SI: variants seen among roughly 807,000 people sequenced by gnomAD.
SI encodes sucrase-isomaltase.
In SI, 235 loss-of-function variants were observed where a neutral mutation model predicts 253.3. The observed-to-expected ratio is 0.93, with a 90% CI of 0.83 to 1.03. The LOEUF (loss-of-function observed/expected upper bound fraction) is 1.03, where lower values mean the gene tolerates loss of function less well. Among genes scored for constraint, SI ranks in the 50% least tolerant of loss-of-function variants. SI has a pLI of 0.00. For synonymous variants in SI, 819 were observed against 712.0 expected, an observed-to-expected ratio of 1.15 and a Z score of -2.39; for missense variants, 2,442 against 2,211.1, an observed-to-expected ratio of 1.10 and a Z score of -2.09.
intron 25 of SI, among the ~76,000 whole-genome samples, chr3:165,026,162 C>A (rs1014259518): frequency 6.6e-6 from 1 of 150,882 alleles, no homozygotes; most frequent in Non-Finnish European, 1.5e-5. Flanking sequence ...CAAATGAACA[C>A]TGAAAGCCAG....
intron 45 of SI, among the ~76,000 whole-genome samples, chr3:164,986,830 A>T (rs1717462339): frequency 6.6e-6 from 1 of 152,186 alleles, no homozygotes; most frequent in Non-Finnish European, 1.5e-5. Flanking sequence ...CCAAGTGTCT[A>T]TTATGTGAAT....
At chr3:165,004,563 A>T (rs1718412335) in intron 37 of SI, among the ~76,000 whole-genome samples, 1 of 152,166 alleles carries the variant, frequency 6.6e-6, no homozygotes, top group African/African-American at 2.4e-5. Context: ...ACAGATGATT[A>T]GATAAAGTAA....
chr3:165,083,240 C>A (rs138419654), upstream of SI, among the ~76,000 whole-genome samples: 86 of 151,862 alleles, frequency 5.7e-4, no homozygotes, highest in African/African-American at 2.1e-3. Flanking sequence ...TGCTATTAAA[C>A]CCTTCATGTT....
chr3:164,994,186 A>G (rs1576872794), intron 41 of SI, 71 bp downstream of exon 41: 8 of 1,365,378 alleles, frequency 5.9e-6, no homozygotes, highest in Admixed American at 1.7e-5. Flanking sequence ...ATATTGCACT[A>G]TAAGAGATCA....
At position 165,074,455 on chromosome 3, in the gene SI, G is replaced by A. The variant is rs537110393; in HGVS notation, c.255+76C>T. ...GTCTAGATCTTTATTAAATAAGATC[G>A]ATCCAATATTCAGCAATTATCTTAA... On this transcript the variant is annotated intron_variant, in intron 3 of 47. Transcript: ENST00000264382. 8 of 876,518 alleles carry A rather than the reference G, an allele frequency of 9.1e-6. No homozygotes were observed. In the South Asian group the frequency reaches 9.8e-5, roughly 11 times the overall value. The allele number at this position is 876,518 out of a possible 1,614,324, so 54.3% of individuals were successfully genotyped here.
intron 3 of SI, chr3:165,074,307 G>T (rs1010014912): frequency 3.9e-6 from 1 of 253,744 alleles, no homozygotes; most frequent in Non-Finnish European, 7.4e-6. Context: ...TGTTAAATAT[G>T]GATGAATATT....
At chr3:165,012,226 G>T (rs1027805575) in intron 34 of SI, among the ~76,000 whole-genome samples, 1 of 152,118 alleles carries the variant, frequency 6.6e-6, no homozygotes, top group African/African-American at 2.4e-5. Flanking sequence ...AATGGTAGTT[G>T]CCCAGGACTG....
intron 37 of SI, 31 bp downstream of exon 37, chr3:165,006,785 G>A: frequency 2.5e-6 from 4 of 1,591,216 alleles, no homozygotes; most frequent in Non-Finnish European, 2.6e-6. Context: ...GAATAAAAGA[G>A]TCAGAGAGGA....
chr3:165,014,248 T>G (rs1258051732), intron 33 of SI, among the ~76,000 whole-genome samples: 1 of 150,770 alleles, frequency 6.6e-6, no homozygotes, highest in Non-Finnish European at 1.5e-5. Context: ...TTTTTTTTTG[T>G]TGTTGTTGTT....
chr3:164,980,103 A>G (rs1343331666), intron 47 of SI, among the ~76,000 whole-genome samples: 6 of 151,784 alleles, frequency 4.0e-5, no homozygotes, highest in Admixed American at 2.0e-4. Context: ...GAAAGTTTGG[A>G]TTCAGTCATC....
intron 25 of SI, among the ~76,000 whole-genome samples, chr3:165,025,207 TG>T (rs1464467439): frequency 6.6e-6 from 1 of 150,922 alleles, no homozygotes; most frequent in African/African-American, 2.4e-5. Flanking sequence ...AACACAGAAA[TG>T]AAAGTCTCAG....
In SI at chr3:165,009,370, G is replaced by A. The variant is rs1420275373; in HGVS notation, c.4088C>T (p.Pro1363Leu). Residue 1363 changes from proline (P) to leucine (L), a missense_variant, in exon 35 of 48, where the codon CCA (proline) becomes CTA (leucine). Pro to Leu is a moderately conservative substitution (Grantham distance 98). Coordinates refer to ENST00000264382, the MANE Select transcript of SI (RefSeq NM_001041.4). ...TGCTGTGGAAGTCCTGAAGAAATCT[G>A]GGAAAGCTACATGAGCTCTGGAAGC... Reference protein sequence around the residue: ...VNASRAHVAFPDFFRTSTAEW... With the variant: ...VNASRAHVAFLDFFRTSTAEW... The A allele has an allele frequency of 6.2e-7, 1 of 1,613,192 alleles. No homozygotes were observed. The highest frequency in any genetic ancestry group is 8.5e-7 in the Non-Finnish European group (1 of 1,179,446).
intron 23 of SI, 101 bp downstream of exon 23, chr3:165,033,294 T>C: frequency 1.0e-6 from 1 of 975,114 alleles, no homozygotes; most frequent in East Asian, 3.1e-5. Context: ...TTAAAATCTG[T>C]AGGCAAATGT....
At chr3:165,013,215 C>G (rs778185317) in intron 33 of SI, among the ~76,000 whole-genome samples, 173 bp from the exon 34 acceptor site, 1 of 152,130 alleles carries the variant, frequency 6.6e-6, no homozygotes, top group Non-Finnish European at 1.5e-5. Flanking sequence ...GCAAACTATT[C>G]CCATTTTCCA....
At chr3:165,013,080 T>C (rs1559988983) in intron 33 of SI, 38 bp from the exon 34 acceptor site, 2 of 1,301,864 alleles carry the variant, frequency 1.5e-6, no homozygotes. Context: ...GATCAAAACA[T>C]AGTCAGCATG....
chr3:164,994,224 T>C, intron 41 of SI, 33 bp downstream of exon 41: 1 of 1,593,546 alleles, frequency 6.3e-7, no homozygotes, highest in Non-Finnish European at 8.6e-7. Context: ...AAAGTATCTC[T>C]CTGTGATAAG....
At chr3:165,076,978 G>GTTTTTT (rs770851693) in intron 1 of SI, among the ~76,000 whole-genome samples, 2 of 106,904 alleles carry the variant, frequency 1.9e-5, no homozygotes, top group Non-Finnish European at 2.1e-5. Flanking sequence ...ATCACGGTTT[G>GTTTTTT]TTTTTTTTTT....
At chr3:165,018,166 T>C in intron 28 of SI, 100 bp from the exon 29 acceptor site, 3 of 748,328 alleles carry the variant, frequency 4.0e-6, no homozygotes, top group Admixed American at 4.0e-5. Context: ...AGACTTGATA[T>C]TTAAATTCCC....
At chr3:165,040,086 G>T in intron 18 of SI, 115 bp from the exon 19 acceptor site, 1 of 805,304 alleles carries the variant, frequency 1.2e-6, no homozygotes. Context: ...CTTGAATTGT[G>T]CTTGTTTCAG....
Sources: gnomAD v4.1 joint callset for allele counts (sites outside exome capture counted in the v4.1 genomes callset) on GRCh38, gnomAD v4.1.1 for gene constraint, MANE v1.5 for transcripts, NCBI Gene and HGNC (gene_info 2026-07-23, HGNC 2026-07-21) for gene names.